SNTG1: variants seen among roughly 807,000 people sequenced by gnomAD.
SNTG1 encodes the protein syntrophin gamma 1.
Under a neutral mutation model 74.7 loss-of-function variants are expected in SNTG1, and 39 were observed. That is an observed-to-expected ratio of 0.52 (90% CI 0.40 to 0.68). The LOEUF (loss-of-function observed/expected upper bound fraction) is 0.68. SNTG1 is among the 30% of genes least tolerant of loss of function. The pLI, the probability that SNTG1 is intolerant of heterozygous loss-of-function variation, is 0.00. For synonymous variants in SNTG1, 254 were observed against 217.1 expected (o/e 1.17, Z -1.49); for missense variants, 685 against 609.5 (o/e 1.12, Z -1.30).
At chr8:50,545,272 T>C (rs2094378834) in intron 11 of SNTG1, among the ~76,000 whole-genome samples, 1 of 151,606 alleles carries the variant, frequency 6.6e-6, no homozygotes, top group Non-Finnish European at 1.5e-5. Flanking sequence ...CAGTTTATAT[T>C]TATCATAATG....
At chr8:50,087,567 T>C (rs1158079980) in intron 1 of SNTG1, among the ~76,000 whole-genome samples, 1 of 152,164 alleles carries the variant, frequency 6.6e-6, no homozygotes, top group Non-Finnish European at 1.5e-5. Flanking sequence ...AAAATATCCT[T>C]ACATAGCCAA....
chr8:50,175,873 A>G (rs1283150356), intron 2 of SNTG1, among the ~76,000 whole-genome samples: 1 of 152,046 alleles, frequency 6.6e-6, no homozygotes, highest in African/African-American at 2.4e-5. Flanking sequence ...TTGCCTCTTC[A>G]TGTTTAATTC....
rs547920063 is a variant in SNTG1 at position 50,690,551 on chromosome 8, T to C, written c.1039-14049T>C. The stretch of plus-strand genomic sequence containing the variant: ...AGGTTGTTCATTTTCCATGTAGTTG[T>C]GTGGTTTTGAGTGAGTTTCTTAATC... On this transcript the variant is annotated intron_variant, in intron 15 of 18. Transcript: ENST00000642720. Among the ~76,000 whole-genome samples, 9 of 152,260 alleles carry C rather than the reference T, an allele frequency of 5.9e-5. No individual in the cohort carries two copies. The South Asian group carries it at 1.7e-3, about 28-fold the overall frequency.
At chr8:50,082,123 C>T (rs1317300793) in intron 1 of SNTG1, among the ~76,000 whole-genome samples, 3 of 152,022 alleles carry the variant, frequency 2.0e-5, no homozygotes, top group Non-Finnish European at 4.4e-5. Context: ...TTAATAATGC[C>T]TATGAATATT....
intron 1 of SNTG1, among the ~76,000 whole-genome samples, chr8:50,049,380 T>G (rs203961): frequency 0.88 from 133,275 of 152,148 alleles, 58,469 homozygotes; most frequent in East Asian, 0.99. Context: ...TTATATCAAA[T>G]AGGTCATTAT....
chr8:50,110,752 A>G (rs2080552752), intron 1 of SNTG1, among the ~76,000 whole-genome samples: 1 of 151,916 alleles, frequency 6.6e-6, no homozygotes, highest in Admixed American at 6.6e-5. Context: ...ATACTACTGT[A>G]GTGCAAAAAC....
intron 18 of SNTG1, among the ~76,000 whole-genome samples, chr8:50,789,319 C>G (rs554261578): frequency 2.2e-4 from 33 of 152,060 alleles, no homozygotes; most frequent in African/African-American, 7.7e-4. Context: ...GCTATTTCTT[C>G]TTTGCTGGTT....
At chr8:50,535,429 A>G (rs1208234178) in intron 10 of SNTG1, among the ~76,000 whole-genome samples, 1 of 152,130 alleles carries the variant, frequency 6.6e-6, no homozygotes, top group African/African-American at 2.4e-5. Context: ...AACATCTGAC[A>G]TGAGGCCAGG....
chr8:49,951,573 A>G (rs2129391759), intron 1 of SNTG1, among the ~76,000 whole-genome samples: 1 of 150,984 alleles, frequency 6.6e-6, no homozygotes, highest in Middle Eastern at 3.4e-3. Context: ...TCACATGGAC[A>G]CATGAAGGGG....
rs1375264887 is a variant in SNTG1 at position 50,051,927 on chromosome 8, A to G, written c.-102-120634A>G. Among the ~76,000 whole-genome samples the G allele has an allele frequency of 5.3e-5, 8 of 152,242 alleles. No homozygotes were observed. The East Asian group carries it at 1.5e-3, about 29-fold the overall frequency. ...TTTTGAACAAAATTAAAGATGATCT[A>G]AATTTTTAAAAATATTTCATGGTGA... On this transcript the variant is annotated intron_variant, in intron 1 of 18. Coordinates refer to ENST00000642720, the MANE Select transcript of SNTG1 (RefSeq NM_018967.5).
chr8:49,996,216 T>A lies in SNTG1; in HGVS notation c.-103+83985T>A, dbSNP rs1197214937. On this transcript the variant is annotated intron_variant, in intron 1 of 18. Coordinates refer to ENST00000642720, the MANE Select transcript of SNTG1 (RefSeq NM_018967.5). ...AGAAGGTTTAACTAATAATACTGCT[T>A]GTTTTCTTCTGAGATGATATGATTT... Among the ~76,000 whole-genome samples, 2 of 152,148 alleles carry A rather than the reference T, an allele frequency of 1.3e-5. 1 individual carries two copies. The highest frequency in any genetic ancestry group is 2.9e-5 in the Non-Finnish European group (2 of 68,024).
chr8:50,648,125 G>A (rs2095122257), intron 13 of SNTG1, among the ~76,000 whole-genome samples: 1 of 152,140 alleles, frequency 6.6e-6, no homozygotes, highest in Non-Finnish European at 1.5e-5. Flanking sequence ...GTTTGACTGA[G>A]AGAGCAAACA....
chr8:50,092,449 C>T (rs1337786300), intron 1 of SNTG1, among the ~76,000 whole-genome samples: 1 of 152,098 alleles, frequency 6.6e-6, no homozygotes, highest in African/African-American at 2.4e-5. Context: ...TGGGCCACAC[C>T]CAACCTGACT....
intron 2 of SNTG1, among the ~76,000 whole-genome samples, chr8:50,364,798 T>C (rs932152418): frequency 4.6e-5 from 7 of 152,126 alleles, no homozygotes; most frequent in Non-Finnish European, 7.4e-5. Flanking sequence ...TATTTCTTGT[T>C]CTTTTTTATT....
intron 2 of SNTG1, among the ~76,000 whole-genome samples, chr8:50,334,174 G>A (rs1203554192): frequency 1.3e-5 from 2 of 152,152 alleles, no homozygotes; most frequent in Non-Finnish European, 2.9e-5. Flanking sequence ...CGGGATTACA[G>A]GCCTGAGCCA....
chr8:50,560,561 C>A (rs969218090), intron 12 of SNTG1, among the ~76,000 whole-genome samples: 1 of 152,174 alleles, frequency 6.6e-6, no homozygotes, highest in Non-Finnish European at 1.5e-5. Context: ...AGATCATGTC[C>A]TTTGCAGGGA....
At chr8:50,683,200 T>C (rs1021772499) in intron 15 of SNTG1, among the ~76,000 whole-genome samples, 6 of 152,162 alleles carry the variant, frequency 3.9e-5, no homozygotes, top group African/African-American at 1.4e-4. Context: ...ACTATGGATA[T>C]TTCTGTAGCC....
intron 1 of SNTG1, among the ~76,000 whole-genome samples, chr8:50,110,749 T>C (rs1028866644): frequency 1.3e-5 from 2 of 152,152 alleles, no homozygotes; most frequent in African/African-American, 2.4e-5. Context: ...TTAATACTAC[T>C]GTAGTGCAAA....
intron 2 of SNTG1, among the ~76,000 whole-genome samples, chr8:50,359,290 A>G (rs2091897964): frequency 6.6e-6 from 1 of 152,120 alleles, no homozygotes; most frequent in Admixed American, 6.5e-5. Flanking sequence ...TGCCTTATAG[A>G]CTTCTCAGCC....
Sources: allele counts gnomAD v4.1 joint callset (sites outside exome capture counted in the v4.1 genomes callset), GRCh38; gene constraint gnomAD v4.1.1; transcripts MANE v1.5; gene names NCBI Gene and HGNC (gene_info 2026-07-23, HGNC 2026-07-21).